GRK7: variants seen among roughly 807,000 people sequenced by gnomAD.
GRK7 encodes the protein G protein-coupled receptor kinase 7, also known as rhodopsin kinase GRK7.
GRK7 carries 24 observed loss-of-function variants against 34.1 expected under a neutral mutation model. The observed-to-expected ratio is 0.70, with a 90% CI of 0.51 to 0.99. GRK7 has a LOEUF of 0.99. Among genes scored for constraint, GRK7 ranks in the 50% least tolerant of loss-of-function variants. The pLI is 0.00. For synonymous variants in GRK7, 256 were observed against 279.4 expected (o/e 0.92, Z 0.84); for missense variants, 644 against 707.3 (o/e 0.91, Z 1.02).
intron 1 of GRK7, among the ~76,000 whole-genome samples, chr3:141,774,172 C>T (rs960113393): frequency 3.3e-5 from 5 of 152,302 alleles, no homozygotes; most frequent in Admixed American, 3.3e-4. Context: ...GTAGCTCATA[C>T]CTGTAATCTC....
At chr3:141,766,366 T>C (rs978892414) in intron 1 of GRK7, among the ~76,000 whole-genome samples, 2 of 152,158 alleles carry the variant, frequency 1.3e-5, no homozygotes, top group Non-Finnish European at 2.9e-5. Context: ...GGTTTCACCG[T>C]GTTAGCCAGG....
chr3:141,780,868 A>G (rs909763012), intron 4 of GRK7, 57 bp downstream of exon 4: 1 of 1,474,362 alleles, frequency 6.8e-7, no homozygotes, highest in African/African-American at 1.4e-5. Context: ...AGGAGGGGAG[A>G]GGGCTTTTCT....
the GRK7 span, among the ~76,000 whole-genome samples, chr3:141,751,479 A>G: frequency 0.065 from 9,915 of 152,288 alleles, 325 homozygotes; most frequent in South Asian, 0.11. Flanking sequence ...TAAGAGAAGT[A>G]GAAGAGAGAA....
At chr3:141,787,123 C>T (rs539648583) in intron 4 of GRK7, among the ~76,000 whole-genome samples, 1 of 152,310 alleles carries the variant, frequency 6.6e-6, no homozygotes, top group South Asian at 2.1e-4. Context: ...GCCTGACCAA[C>T]ATCTCCATTT....
chr3:141,807,587 A>G lies in GRK7; in HGVS notation c.1051-58A>G, dbSNP rs115433167. On this transcript the variant is annotated intron_variant, in intron 4 of 5. Coordinates refer to ENST00000682958, the MANE Select transcript of GRK7 (RefSeq NM_139209.3). ...AGGTAGGCAGTCAGCAGTGTCTGCT[A>G]CACTCACCTTAGTGTCTTTGTTCTG... The G allele has an allele frequency of 1.4e-3, 2,035 of 1,479,284 alleles. 32 individuals are homozygous for G. The African/African-American group carries it at 0.024, about 18-fold the overall frequency. The allele number at this position is 1,479,284 out of a possible 1,614,324, so 91.6% of individuals were successfully genotyped here. A position where few individuals can be genotyped will look rare whatever the true frequency, so the allele number is the denominator to read the frequency against.
chr3:141,802,921 C>G (rs1301470623), intron 4 of GRK7, among the ~76,000 whole-genome samples: 1 of 152,152 alleles, frequency 6.6e-6, no homozygotes, highest in Admixed American at 6.5e-5. Flanking sequence ...ATCACATCCC[C>G]CTTCCCTCAC....
At chr3:141,816,316 G>T (rs1711152950) in intron 5 of GRK7, among the ~76,000 whole-genome samples, 2 of 152,272 alleles carry the variant, frequency 1.3e-5, no homozygotes, top group Middle Eastern at 3.4e-3. Flanking sequence ...AAATGGGAGT[G>T]GTGGTTGTGT....
rs560269850 is a variant in GRK7, at chr3:141,804,988, A to C, written c.1051-2657A>C. 1.8e-3 allele frequency among the ~76,000 whole-genome samples: 267 copies of C among 151,464 alleles called. 1 individual carries two copies. The highest frequency in any genetic ancestry group is 6.0e-3 in the African/African-American group (249 of 41,270). On this transcript the variant is annotated intron_variant, in intron 4 of 5. Coordinates refer to ENST00000682958, the MANE Select transcript of GRK7 (RefSeq NM_139209.3). The stretch of plus-strand genomic sequence containing the variant: ...CACTCACATACACACACCCACTCGC[A>C]CACACACATACACTCACACACACTC...
At chr3:141,789,561 T>C (rs1167180253) in intron 4 of GRK7, among the ~76,000 whole-genome samples, 1 of 151,504 alleles carries the variant, frequency 6.6e-6, no homozygotes, top group East Asian at 1.9e-4. Flanking sequence ...CAGAGGAAGG[T>C]CTGTCCCACG....
At chr3:141,808,832 G>A (rs1301549407) in intron 5 of GRK7, among the ~76,000 whole-genome samples, 1 of 152,162 alleles carries the variant, frequency 6.6e-6, no homozygotes, top group Non-Finnish European at 1.5e-5. Context: ...TCTGGAGATT[G>A]GTTGCATAAC....
chr3:141,792,535 G>A (rs1302657397), intron 4 of GRK7, among the ~76,000 whole-genome samples: 3 of 152,030 alleles, frequency 2.0e-5, no homozygotes, highest in African/African-American at 7.2e-5. Flanking sequence ...AAATCAAAAA[G>A]TAAACCACAT....
At chr3:141,802,847 G>T (rs1710985168) in intron 4 of GRK7, among the ~76,000 whole-genome samples, 1 of 152,108 alleles carries the variant, frequency 6.6e-6, no homozygotes, top group African/African-American at 2.4e-5. Flanking sequence ...TCTCTCCTGT[G>T]CTTCCTCCTT....
chr3:141,804,005 G>A (rs71304104), intron 4 of GRK7, among the ~76,000 whole-genome samples: 1 of 152,136 alleles, frequency 6.6e-6, no homozygotes. Flanking sequence ...CACCACTGCC[G>A]GCTAGTACTT....
At chr3:141,809,519 G>A (rs1410447286) in intron 5 of GRK7, among the ~76,000 whole-genome samples, 1 of 151,974 alleles carries the variant, frequency 6.6e-6, no homozygotes, top group African/African-American at 2.4e-5. Flanking sequence ...GCAACATAGA[G>A]AGACTGTGCC....
chr3:141,774,810 ATT>A (rs1559839207), intron 2 of GRK7, among the ~76,000 whole-genome samples, 130 bp downstream of exon 2: 1 of 134,750 alleles, frequency 7.4e-6, no homozygotes, highest in Non-Finnish European at 1.6e-5. Flanking sequence ...TATTATTATT[ATT>A]ATTAATTATT....
intron 3 of GRK7, 109 bp from the exon 4 acceptor site, chr3:141,780,265 C>T (rs1006305074): frequency 4.4e-6 from 4 of 908,974 alleles, no homozygotes; most frequent in Non-Finnish European, 6.6e-6. Context: ...ACAGCTACTC[C>T]TTTCTCCAAT....
At chr3:141,805,058 CCACACACACA>C (rs3057590) in intron 4 of GRK7, among the ~76,000 whole-genome samples, 1 of 149,880 alleles carries the variant, frequency 6.7e-6, no homozygotes, top group Admixed American at 6.6e-5. Context: ...ACTCATATGC[CCACACACACA>C]CACACACACG....
intron 3 of GRK7, among the ~76,000 whole-genome samples, chr3:141,779,409 C>CAAAAAAAAAAAAAA (rs10626329): frequency 1.0e-5 from 1 of 96,496 alleles, no homozygotes; most frequent in Non-Finnish European, 2.0e-5. Flanking sequence ...GAGCAAGACT[C>CAAAAAAAAAAAAAA]AAAAAAAAAA....
intron 5 of GRK7, among the ~76,000 whole-genome samples, chr3:141,811,693 C>T (rs745358024): frequency 1.8e-4 from 28 of 152,126 alleles, no homozygotes; most frequent in Non-Finnish European, 4.0e-4. Flanking sequence ...TTTAATCAAA[C>T]GAGATCACGT....
Sources: allele counts gnomAD v4.1 joint callset (sites outside exome capture counted in the v4.1 genomes callset), GRCh38; gene constraint gnomAD v4.1.1; transcripts MANE v1.5; gene names NCBI Gene and HGNC (gene_info 2026-07-23, HGNC 2026-07-21).